The following MYH6 variants were observed in gnomAD, a reference collection of about 807,000 sequenced individuals.
The protein encoded by MYH6 is myosin heavy chain 6, also known as myosin-6.
A neutral mutation model predicts 223.2 loss-of-function variants in MYH6; 126 were observed. That is an observed-to-expected ratio of 0.56 (90% CI 0.49 to 0.65). The LOEUF (loss-of-function observed/expected upper bound fraction) is 0.65, where lower values mean the gene tolerates loss of function less well. Ranked by LOEUF, MYH6 falls within the 30% of genes least tolerant of loss-of-function variation. The probability of loss-of-function intolerance (pLI) is 0.00; values close to 1 mark genes in which losing one functional copy is unlikely to be tolerated. For missense variants in MYH6, 2,040 were observed against 2,536.4 expected, an observed-to-expected ratio of 0.80 and a Z score of 4.20; for synonymous variants, 978 against 1,010.2, an observed-to-expected ratio of 0.97 and a Z score of 0.61.
In MYH6 at chr14:23,389,435, C is replaced by A; in HGVS notation, c.3936G>T (p.Gln1312His). 6.2e-7 allele frequency: 1 copy of A among 1,614,176 alleles called. No individual in the cohort carries two copies. The highest frequency in any genetic ancestry group is 8.5e-7 in the Non-Finnish European group (1 of 1,180,038). Residue 1312 changes from glutamine to histidine, a missense_variant, in exon 28 of 39, where the codon CAG becomes CAT. Around this residue, in one of 4 missense-constraint regions of MYH6, gnomAD observed 1,203 missense variants for 1,400.2 expected, o/e 0.86. Transcript: ENST00000405093. ...GCTGCCTTTTGAGGTCCTCCATTTG[C>A]TGGGTATAAGAGAGCTTCCCCCGGG... The part of the protein sequence containing the change: ...QLTRGKLSYT[Q>H]QMEDLKRQLE...
chr14:23,397,536 T>C lies in MYH6; in HGVS notation c.1962+7A>G, dbSNP rs1595059332. 2 of 1,614,150 alleles carry C rather than the reference T, an allele frequency of 1.2e-6. No individual in the cohort carries two copies. The highest frequency in any genetic ancestry group is 2.2e-5 in the East Asian group (1 of 44,882). On this transcript the variant is annotated splice_region_variant and intron_variant, in intron 16 of 38. Transcript: ENST00000405093. ...CAGGTGTCCTGGCACCCCTGGGCCC[T>C]TCTTACCCGGTGGAGAGCCGACACC...
rs374745238 is a variant in MYH6, at chr14:23,397,464, T to G, written c.1962+79A>C. On this transcript the variant is annotated intron_variant, in intron 16 of 38. Transcript: ENST00000405093. ...CTTCTTTCCTCATCAAACTCAAGCA[T>G]CAGAATAGGTGGTGCAGCCAGAAGT... is the stretch of plus-strand genomic sequence containing the variant. The G allele has an allele frequency of 1.3e-5, 20 of 1,516,046 alleles. No homozygotes were observed. The African/African-American group carries it at 1.8e-4, about 14-fold the overall frequency. 93.9% of individuals were successfully genotyped at this position (1,516,046 alleles called of 1,614,324 possible). A position where few individuals can be genotyped will look rare whatever the true frequency, so the allele number is the denominator to read the frequency against.
chr14:23,388,735 G>A, intron 29 of MYH6, 124 bp downstream of exon 29: 1 of 1,411,836 alleles, frequency 7.1e-7, no homozygotes, highest in South Asian at 1.2e-5. Context: ...AAGCACTTCT[G>A]TTGCCCTCCG....
intron 31 of MYH6, 27 bp downstream of exon 31, chr14:23,387,731 C>T (rs1891076689): frequency 1.2e-6 from 2 of 1,614,086 alleles, no homozygotes; most frequent in Non-Finnish European, 8.5e-7. Flanking sequence ...ACCAACTCAT[C>T]TCTGGCCTCT....
At chr14:23,386,715 C>T (rs17091383) in intron 32 of MYH6, 92 bp from the exon 33 acceptor site, 16 of 1,447,762 alleles carry the variant, frequency 1.1e-5, no homozygotes, top group South Asian at 5.3e-5. Flanking sequence ...CCAGGACTAT[C>T]GCCCAGAGAA....
Position 23,405,039 on chromosome 14 carries a change from T to A in MYH6, c.530+61A>T. The A allele has an allele frequency of 1.2e-6, 2 of 1,610,260 alleles. No individual in the cohort carries two copies. The highest frequency in any genetic ancestry group is 1.7e-6 in the Non-Finnish European group (2 of 1,176,546). On this transcript the variant is annotated intron_variant, in intron 6 of 38. Transcript: ENST00000405093. The surrounding 1 kb of genome is among the most constrained non-coding windows in gnomAD (Gnocchi z 4.7). ...TAAACCTCTCCTCCCAACTACACCC[T>A]AGGCATCAGCGTGTATGCCCCCAGC...
intron 8 of MYH6, 123 bp from the exon 9 acceptor site, chr14:23,403,901 G>T: frequency 2.2e-6 from 2 of 891,660 alleles, no homozygotes; most frequent in Non-Finnish European, 3.6e-6. Context: ...TGGTGTCTCA[G>T]TTGAGTATAA....
chr14:23,389,805 C>T (rs531445306), intron 26 of MYH6, 86 bp from the exon 27 acceptor site: 1 of 1,606,496 alleles, frequency 6.2e-7, no homozygotes, highest in Non-Finnish European at 8.5e-7. Context: ...TGGGGAATGC[C>T]AGAGGGCAGG....
At chr14:23,396,091 G>A (rs1390977418) in intron 20 of MYH6, among the ~76,000 whole-genome samples, 193 bp downstream of exon 20, 1 of 149,750 alleles carries the variant, frequency 6.7e-6, no homozygotes, top group Non-Finnish European at 1.5e-5. Flanking sequence ...TTTTCCTATA[G>A]AGAAGTTTCT....
intron 31 of MYH6, 42 bp downstream of exon 31, chr14:23,387,716 C>A (rs762178354): frequency 1.8e-5 from 29 of 1,614,128 alleles, no homozygotes; most frequent in Non-Finnish European, 2.3e-5. Flanking sequence ...ATGGCCCTCC[C>A]TCCCACCAAC....
chr14:23,406,197 GA>G (rs1891781734), intron 3 of MYH6, among the ~76,000 whole-genome samples: 1 of 152,156 alleles, frequency 6.6e-6, no homozygotes, highest in African/African-American at 2.4e-5. Flanking sequence ...ACCCCTGCTG[GA>G]AAAGTAGTTC....
At chr14:23,406,979 C>T (rs1291619069) in intron 3 of MYH6, 44 bp downstream of exon 3, 2 of 1,603,566 alleles carry the variant, frequency 1.2e-6, no homozygotes, top group South Asian at 2.2e-5. Context: ...CATCTTCTTT[C>T]CCAGACCTCC....
At chr14:23,389,911 A>C in intron 26 of MYH6, 146 bp downstream of exon 26, 1 of 1,542,062 alleles carries the variant, frequency 6.5e-7, no homozygotes, top group Non-Finnish European at 8.9e-7. Flanking sequence ...GAGGAGAGCC[A>C]GAGAGGGGCA....
rs563648655 is a variant in MYH6, at chr14:23,389,068, G to A, written c.3979-13C>T. On this transcript the variant is annotated splice_polypyrimidine_tract_variant and intron_variant, in intron 28 of 38. Coordinates refer to ENST00000405093, the MANE Select transcript of MYH6 (RefSeq NM_002471.4). ...GGGCGTTCTTCGCCTGGGGAGGGGG[G>A]GGGGCACCAGGAGGTGGGAGGGACT... The A allele has an allele frequency of 2.6e-6, 4 of 1,551,664 alleles. No individual in the cohort carries two copies. The highest frequency in any genetic ancestry group is 2.6e-6 in the Non-Finnish European group (3 of 1,133,544).
At position 23,396,271 on chromosome 14, in the gene MYH6, C is replaced by T; in HGVS notation, c.2429+13G>A. On this transcript the variant is annotated intron_variant, in intron 20 of 38. Coordinates refer to ENST00000405093, the MANE Select transcript of MYH6 (RefSeq NM_002471.4). Reference sequence around the variant, plus strand: ...CATCTCTAGTGCATGCCTCCCTTTTCCTCCTGTCTCACCTGCGTTCCACTA... The same window carrying T: ...CATCTCTAGTGCATGCCTCCCTTTTTCTCCTGTCTCACCTGCGTTCCACTA... 6.2e-7 allele frequency: 1 copy of T among 1,614,116 alleles called. No homozygotes were observed. The highest frequency in any genetic ancestry group is 1.7e-5 in the Admixed American group (1 of 60,036).
At position 23,383,339 on chromosome 14, in the gene MYH6, G is replaced by GGGGGGGGGGGGGGA; in HGVS notation, c.5566-20_5566-19insTCCCCCCCCCCCCC. 1 of 108,200 alleles carries GGGGGGGGGGGGGGA rather than the reference G, an allele frequency of 9.2e-6. No individual in the cohort carries two copies. The allele number at this position is 108,200 out of a possible 1,614,324, so 6.7% of individuals were successfully genotyped here. Reference sequence around the variant, plus strand: ...CCTCTGTCTGGGGGTGGGAGGGTGGGAGAAGCTGGTTTGGAGGGGGAGCAA... The same window carrying GGGGGGGGGGGGGGA: ...CCTCTGTCTGGGGGTGGGAGGGTGGGGGGGGGGGGGGGGAAGAAGCTGGTTTGGAGGGGGAGCAA... On this transcript the variant is annotated intron_variant, in intron 36 of 38. Coordinates refer to ENST00000405093, the MANE Select transcript of MYH6 (RefSeq NM_002471.4).
At position 23,401,475 on chromosome 14, in the gene MYH6, C is replaced by T. The variant is rs1383432311; in HGVS notation, c.1142-498G>A. ...CGTGTGCCTGAGTCAGGCTGGAGCA[C>T]AGCCCCCTTATCCGGCCCATGGCCT... is the stretch of plus-strand genomic sequence containing the variant. On this transcript the variant is annotated intron_variant, in intron 12 of 38. Transcript: ENST00000405093. Among the ~76,000 whole-genome samples the T allele has an allele frequency of 5.2e-5, 8 of 152,388 alleles. No individual in the cohort carries two copies. In the South Asian group the frequency reaches 1.2e-3, roughly 24 times the overall value.
rs892760846 is a variant in MYH6 at position 23,383,648 on chromosome 14, C to T, written c.5566-328G>A. Among the ~76,000 whole-genome samples, 2 of 152,148 alleles carry T rather than the reference C, an allele frequency of 1.3e-5. 1 individual carries two copies. Among genetic ancestry groups the T allele is most frequent in the Admixed American group, 1.3e-4 (2 of 15,282 alleles). Reference sequence around the variant, plus strand: ...AGCTCCAGTATGGTGGATAAAGCTCCAACCTGGACTTACATAGGTTCTCTT... The same window carrying T: ...AGCTCCAGTATGGTGGATAAAGCTCTAACCTGGACTTACATAGGTTCTCTT... On this transcript the variant is annotated intron_variant, in intron 36 of 38. Coordinates refer to ENST00000405093, the MANE Select transcript of MYH6 (RefSeq NM_002471.4).
intron 20 of MYH6, among the ~76,000 whole-genome samples, chr14:23,395,834 T>G (rs1891377262): frequency 6.6e-6 from 1 of 152,234 alleles, no homozygotes; most frequent in Admixed American, 6.5e-5. Context: ...GGCCTGCAGC[T>G]GTTCAACTTT....
Sources: allele counts gnomAD v4.1 joint callset (sites outside exome capture counted in the v4.1 genomes callset), GRCh38; gene constraint gnomAD v4.1.1; regional missense constraint gnomAD v4.1.1; non-coding constraint Gnocchi (gnomAD v3.1); transcripts MANE v1.5; gene names NCBI Gene and HGNC (gene_info 2026-07-23, HGNC 2026-07-21).